RAP2C: variants seen among roughly 807,000 people sequenced by gnomAD.
RAP2C encodes ras-related protein Rap-2c.
Under a neutral mutation model 8.9 loss-of-function variants are expected in RAP2C, and 3 were observed. The ratio of observed to expected loss-of-function variants is 0.34; its 90% CI spans 0.15 to 0.87. The LOEUF is 0.87. RAP2C is among the 40% of genes least tolerant of loss of function. The pLI is 0.51. For missense variants in RAP2C, 76 were observed against 133.7 expected (o/e 0.57, Z 2.13); for synonymous variants, 60 against 52.1 (o/e 1.15, Z -0.65).
At chrX:132,213,691 A>G (rs1244095005) in intron 5 of RAP2C, among the ~76,000 whole-genome samples, 1 of 112,238 alleles carries the variant, frequency 8.9e-6, no homozygotes, top group East Asian at 2.8e-4. Context: ...GGTGATTAGT[A>G]AATTGGTGAT....
chrX:132,206,000 T>C (rs1345534929), intron 5 of RAP2C, among the ~76,000 whole-genome samples: 1 of 111,713 alleles, frequency 9.0e-6, no homozygotes, highest in Admixed American at 9.6e-5. Context: ...ATCAAATGCA[T>C]GTTAATTATG....
At position 132,203,506 on chromosome X, in the gene RAP2C, TGAGAGAGAGA is replaced by T. The variant is rs10617253; in HGVS notation, c.*2106_*2115del. 0.33 allele frequency: 19,496 copies of T among 59,890 alleles called. 3,428 individuals are homozygous for T. Among genetic ancestry groups the T allele is most frequent in the East Asian group, 0.44 (787 of 1,785 alleles). The allele number at this position is 59,890 out of a possible 1,213,427, so 4.9% of individuals were successfully genotyped here. ...TCAATGACAATGAACACTGTAATTT[TGAGAGAGAGA>T]GAGAGAGAGAGAGAGAGAGAGAGAG... On this transcript the variant is annotated 3_prime_UTR_variant, in exon 6 of 6. Coordinates refer to ENST00000370874, the MANE Select transcript of RAP2C (RefSeq NM_001271186.2).
rs1424569972 is a variant in RAP2C at position 132,204,799 on chromosome X, C to CT, written c.*822dup. Reference sequence around the variant, plus strand: ...ACAATATCCCTTTTCAAAGGCATTGCTAAATAGGTCATAACTAAATTTAGA... The same window carrying CT: ...ACAATATCCCTTTTCAAAGGCATTGCTTAAATAGGTCATAACTAAATTTAGA... On this transcript the variant is annotated 3_prime_UTR_variant, in exon 6 of 6. Transcript: ENST00000370874. 1.8e-5 allele frequency: 2 copies of CT among 110,468 alleles called. No homozygotes were observed. Among genetic ancestry groups the CT allele is most frequent in the African/African-American group, 6.6e-5 (2 of 30,333 alleles). The allele number at this position is 110,468 out of a possible 1,213,427, so 9.1% of individuals were successfully genotyped here.
rs1022715269 is a variant in RAP2C at position 132,206,864 on chromosome X, T to C, written c.*35-1277A>G. Among the ~76,000 whole-genome samples the C allele has an allele frequency of 1.4e-4, 16 of 112,380 alleles. No homozygotes were observed. The Admixed American group carries it at 1.5e-3, about 11-fold the overall frequency. ...AAACATTCTTCCAATTAAAAGACAT[T>C]TTGCATTAAATTGTTAATTAGGACA... On this transcript the variant is annotated intron_variant, in intron 5 of 5. Transcript: ENST00000370874.
intron 4 of RAP2C, among the ~76,000 whole-genome samples, chrX:132,216,081 A>T (rs772739642): frequency 1.8e-5 from 2 of 112,312 alleles, no homozygotes; most frequent in African/African-American, 6.5e-5. Flanking sequence ...AAATCAATGG[A>T]GGTCAATATA....
intron 5 of RAP2C, among the ~76,000 whole-genome samples, chrX:132,212,595 A>G (rs1217607685): frequency 8.9e-6 from 1 of 112,460 alleles, no homozygotes; most frequent in African/African-American, 3.2e-5. Flanking sequence ...TGATAAAACT[A>G]ACACAAAATG....
Position 132,213,483 on chromosome X carries a change from A to C in RAP2C, c.*34+651T>G, listed in dbSNP as rs190655330. On this transcript the variant is annotated intron_variant, in intron 5 of 5. Transcript: ENST00000370874. Reference sequence around the variant, plus strand: ...ATCTCATAATTTATTAAATTGAATAAATTTTTTTATGCATGAAACTGTTCC... The same window carrying C: ...ATCTCATAATTTATTAAATTGAATACATTTTTTTATGCATGAAACTGTTCC... Among the ~76,000 whole-genome samples, 383 of 111,467 alleles carry C rather than the reference A, an allele frequency of 3.4e-3. 1 individual carries two copies. Among genetic ancestry groups the C allele is most frequent in the African/African-American group, 0.012 (371 of 30,656 alleles).
rs1477853816 is a variant in RAP2C, at chrX:132,204,117, TTTTG to T, written c.*1501_*1504del. 1 of 112,355 alleles carries T rather than the reference TTTTG, an allele frequency of 8.9e-6. No individual in the cohort carries two copies. Among genetic ancestry groups the T allele is most frequent in the Non-Finnish European group, 1.9e-5 (1 of 53,132 alleles). The allele number at this position is 112,355 out of a possible 1,213,427, so 9.3% of individuals were successfully genotyped here. A position where few individuals can be genotyped will look rare whatever the true frequency, so the allele number is the denominator to read the frequency against. ...TTATAGATCAAAAGTATAGTTTTGG[TTTTG>T]TTTTATTTTATTTAGAAGCATGTTC... On this transcript the variant is annotated 3_prime_UTR_variant, in exon 6 of 6. Transcript: ENST00000370874.
rs1930201431 is a variant in RAP2C at position 132,204,075 on chromosome X, AAGTT to A, written c.*1543_*1546del. The A allele has an allele frequency of 8.9e-6, 1 of 112,312 alleles. No homozygotes were observed. Among genetic ancestry groups the A allele is most frequent in the Non-Finnish European group, 1.9e-5 (1 of 53,126 alleles). 9.3% of individuals were successfully genotyped at this position (112,312 alleles called of 1,213,427 possible). A position where few individuals can be genotyped will look rare whatever the true frequency, so the allele number is the denominator to read the frequency against. On this transcript the variant is annotated 3_prime_UTR_variant, in exon 6 of 6. Transcript: ENST00000370874. ...GCATATATTAGAGCTTTCCTTGACAAAGTTATTGAGCTCTTATTATAGATCAAAA... is the reference window on the plus strand; with the variant it reads ...GCATATATTAGAGCTTTCCTTGACAAATTGAGCTCTTATTATAGATCAAAA...
rs1229620368 is a variant in RAP2C, at chrX:132,217,458, A to T, written c.-190T>A. ...GAGGGGAAAGAGCGTAGAGTCGGGG[A>T]GGGTGGGGAAGGGATGGTAATGCCC... On this transcript the variant is annotated 5_prime_UTR_variant, in exon 4 of 6. Coordinates refer to ENST00000370874, the MANE Select transcript of RAP2C (RefSeq NM_001271186.2). 683 of 77,302 alleles carry T rather than the reference A, an allele frequency of 8.8e-3. No individual in the cohort carries two copies. The highest frequency in any genetic ancestry group is 0.012 in the Non-Finnish European group (496 of 41,330). The allele number at this position is 77,302 out of a possible 1,213,427, so 6.4% of individuals were successfully genotyped here. A position where few individuals can be genotyped will look rare whatever the true frequency, so the allele number is the denominator to read the frequency against.
intron 4 of RAP2C, 38 bp downstream of exon 4, chrX:132,216,958 A>C (rs1930621009): frequency 9.1e-7 from 1 of 1,101,428 alleles, no homozygotes; most frequent in Non-Finnish European, 1.2e-6. Context: ...GGATTACCAC[A>C]CCCCCTTCTA....
chrX:132,214,670 A>T, intron 4 of RAP2C: 1 of 473,303 alleles, frequency 2.1e-6, no homozygotes, highest in Non-Finnish European at 2.6e-6. Flanking sequence ...AATATAAAAC[A>T]TGGGTTGCAC....
chrX:132,217,103 G>A lies in RAP2C; in HGVS notation c.166C>T (p.Leu56=). The A allele has an allele frequency of 8.3e-7, 1 of 1,204,365 alleles. No individual in the cohort carries two copies. The highest frequency in any genetic ancestry group is 1.1e-6 in the Non-Finnish European group (1 of 891,717). Residue 56 remains leucine, a synonymous_variant, in exon 4 of 6, where the codon CTG becomes TTG. Coordinates refer to ENST00000370874, the MANE Select transcript of RAP2C (RefSeq NM_001271186.2). ...AACTGCTCAGTTCCTGCGGTGTCCAGAATTTCCAGCACGGAGGGGGAAGAG... is the reference window on the plus strand; with the variant it reads ...AACTGCTCAGTTCCTGCGGTGTCCAAAATTTCCAGCACGGAGGGGGAAGAG... ...VDSSPSVLEI[L]DTAGTEQFAS...
In RAP2C at chrX:132,203,506, TGAGAGAGAGAGA is replaced by T. The variant is rs10617253; in HGVS notation, c.*2104_*2115del. 0.073 allele frequency: 4,429 copies of T among 60,288 alleles called. 139 individuals carry two copies. Among genetic ancestry groups the T allele is most frequent in the Middle Eastern group, 0.087 (9 of 104 alleles). 5.0% of individuals were successfully genotyped at this position (60,288 alleles called of 1,213,427 possible). On this transcript the variant is annotated 3_prime_UTR_variant, in exon 6 of 6. Transcript: ENST00000370874. ...TCAATGACAATGAACACTGTAATTTTGAGAGAGAGAGAGAGAGAGAGAGAGAGAGAGAGAGAG... is the reference window on the plus strand; with the variant it reads ...TCAATGACAATGAACACTGTAATTTTGAGAGAGAGAGAGAGAGAGAGAGAG...
At chrX:132,216,867 C>T (rs1439735419) in intron 4 of RAP2C, 129 bp downstream of exon 4, 1 of 665,479 alleles carries the variant, frequency 1.5e-6, no homozygotes, top group African/African-American at 2.3e-5. Flanking sequence ...CAGGAGTAAC[C>T]TCAAAAATGC....
intron 5 of RAP2C, among the ~76,000 whole-genome samples, chrX:132,212,377 T>C (rs960888405): frequency 8.9e-6 from 1 of 111,857 alleles, no homozygotes; most frequent in Admixed American, 9.5e-5. Flanking sequence ...TCACAAAAAG[T>C]TACCAAATGA....
At chrX:132,219,271 T>A (rs1233487456) in intron 1 of RAP2C, 99 bp downstream of exon 1, 1 of 112,168 alleles carries the variant, frequency 8.9e-6, no homozygotes, top group Non-Finnish European at 1.9e-5. Context: ...ATAAAGAGAT[T>A]TATTACTCAG....
chrX:132,218,782 T>G (rs941011518), intron 1 of RAP2C: 1 of 112,147 alleles, frequency 8.9e-6, no homozygotes. Flanking sequence ...GTAGACTTTA[T>G]GGTACTCTGC....
rs998422919 is a variant in RAP2C at position 132,204,997 on chromosome X, A to C, written c.*625T>G. 3.6e-5 allele frequency: 4 copies of C among 110,389 alleles called. No individual in the cohort carries two copies. The highest frequency in any genetic ancestry group is 9.9e-5 in the African/African-American group (3 of 30,401). The allele number at this position is 110,389 out of a possible 1,213,427, so 9.1% of individuals were successfully genotyped here. A position where few individuals can be genotyped will look rare whatever the true frequency, so the allele number is the denominator to read the frequency against. ...GTTAATTACAAAAAAAAAAAAAAAA[A>C]AACAAAACACATCACAAACTGCACT... On this transcript the variant is annotated 3_prime_UTR_variant, in exon 6 of 6. Transcript: ENST00000370874.
Sources: gnomAD v4.1 joint callset for allele counts (sites outside exome capture counted in the v4.1 genomes callset) on GRCh38, gnomAD v4.1.1 for gene constraint, MANE v1.5 for transcripts, NCBI Gene and HGNC (gene_info 2026-07-23, HGNC 2026-07-21) for gene names.